DLGAP2: variants seen among roughly 807,000 people sequenced by gnomAD.
DLGAP2 encodes DLG associated protein 2.
A neutral mutation model predicts 100.3 loss-of-function variants in DLGAP2; 26 were observed. That is an observed-to-expected ratio of 0.26 (90% CI 0.19 to 0.36). The LOEUF is 0.36. Ranked by LOEUF, DLGAP2 falls within the 10% of genes least tolerant of loss-of-function variation. The pLI is 1.00. For missense variants in DLGAP2, 1,858 were observed against 1,453.2 expected, an observed-to-expected ratio of 1.28 and a Z score of -4.53; for synonymous variants, 886 against 630.1, an observed-to-expected ratio of 1.41 and a Z score of -6.08.
intron 8 of DLGAP2, among the ~76,000 whole-genome samples, chr8:1,650,134 G>A (rs1051659285): frequency 6.6e-6 from 1 of 152,066 alleles, no homozygotes; most frequent in African/African-American, 2.4e-5. Flanking sequence ...TCCATTTATT[G>A]GTTTACAGCA....
intron 3 of DLGAP2, among the ~76,000 whole-genome samples, chr8:1,326,372 A>T (rs969747839): frequency 3.9e-5 from 6 of 152,242 alleles, no homozygotes; most frequent in Non-Finnish European, 8.8e-5. Context: ...TTCACAGTGT[A>T]CCACATTCTA....
intron 3 of DLGAP2, among the ~76,000 whole-genome samples, chr8:1,339,624 C>T (rs1015911023): frequency 6.6e-6 from 1 of 152,222 alleles, no homozygotes; most frequent in Non-Finnish European, 1.5e-5. Flanking sequence ...ACAGGAGCTT[C>T]ACATGGGTTA....
intron 3 of DLGAP2, among the ~76,000 whole-genome samples, chr8:1,286,856 T>G (rs1799932182): frequency 6.6e-6 from 1 of 152,258 alleles, no homozygotes; most frequent in African/African-American, 2.4e-5. Flanking sequence ...TGACTTGATT[T>G]GCACAAGTGC....
intron 2 of DLGAP2, among the ~76,000 whole-genome samples, chr8:1,189,025 G>A (rs1563241346): frequency 6.6e-6 from 1 of 151,052 alleles, no homozygotes; most frequent in Non-Finnish European, 1.5e-5. Context: ...CAGGGTTCGG[G>A]CCCCATGGCG....
intron 2 of DLGAP2, among the ~76,000 whole-genome samples, chr8:1,208,433 T>C (rs1261351715): frequency 6.6e-6 from 1 of 152,218 alleles, no homozygotes; most frequent in Non-Finnish European, 1.5e-5. Context: ...AGCATCACTT[T>C]ATGATTAAAA....
chr8:1,317,897 TCCAACA>T (rs1800800506), intron 3 of DLGAP2, among the ~76,000 whole-genome samples: 2 of 134,330 alleles, frequency 1.5e-5, no homozygotes, highest in African/African-American at 5.9e-5. Context: ...GCAGCGTCTC[TCCAACA>T]GTGGTCTACA....
intron 2 of DLGAP2, among the ~76,000 whole-genome samples, chr8:1,196,841 C>A (rs1021683860): frequency 7.9e-5 from 12 of 152,172 alleles, no homozygotes; most frequent in African/African-American, 2.9e-4. Flanking sequence ...CCAGGGTTCT[C>A]CCGAAAAGTG....
intron 2 of DLGAP2, among the ~76,000 whole-genome samples, chr8:950,021 T>C (rs977004456): frequency 2.0e-5 from 3 of 152,208 alleles, no homozygotes; most frequent in Admixed American, 2.0e-4. Flanking sequence ...ATCGCTGCAA[T>C]GTGTCCCGTC....
intron 2 of DLGAP2, among the ~76,000 whole-genome samples, chr8:1,038,417 A>T (rs760227145): frequency 5.3e-5 from 8 of 152,186 alleles, no homozygotes; most frequent in Admixed American, 6.5e-5. Context: ...AGTCCAGGAA[A>T]CAAGAAAAAC....
chr8:965,272 C>T (rs1342635816), intron 2 of DLGAP2, among the ~76,000 whole-genome samples: 5 of 138,190 alleles, frequency 3.6e-5, no homozygotes, highest in East Asian at 2.3e-4. Flanking sequence ...CCAACCCCCG[C>T]GTGCACACGG....
At chr8:1,641,997 C>G (rs1283410591) in intron 8 of DLGAP2, among the ~76,000 whole-genome samples, 1 of 45,404 alleles carries the variant, frequency 2.2e-5, no homozygotes. Flanking sequence ...GTGTCACCCT[C>G]GACCCCGCTG....
At chr8:937,376 G>T (rs867252264) in intron 2 of DLGAP2, among the ~76,000 whole-genome samples, 1 of 152,126 alleles carries the variant, frequency 6.6e-6, no homozygotes, top group Non-Finnish European at 1.5e-5. Flanking sequence ...GGATCTAATT[G>T]TCACTGGCTT....
intron 2 of DLGAP2, among the ~76,000 whole-genome samples, chr8:1,241,894 T>G (rs80013109): frequency 0.037 from 5,574 of 152,348 alleles, 171 homozygotes; most frequent in African/African-American, 0.081. Flanking sequence ...TTAAAATGAC[T>G]TTTCTAATAA....
chr8:1,575,876 A>T (rs1802950782), intron 6 of DLGAP2, among the ~76,000 whole-genome samples: 1 of 152,010 alleles, frequency 6.6e-6, no homozygotes. Context: ...ATTGATGGAC[A>T]TTTGGGTTGG....
At chr8:1,073,563 G>C (rs899555033) in intron 2 of DLGAP2, among the ~76,000 whole-genome samples, 24 of 152,168 alleles carry the variant, frequency 1.6e-4, no homozygotes, top group African/African-American at 5.1e-4. Flanking sequence ...TCCAAAGATG[G>C]TTTTTGTTTT....
chr8:1,146,590 T>C (rs1362217413), intron 2 of DLGAP2, among the ~76,000 whole-genome samples: 2 of 152,108 alleles, frequency 1.3e-5, no homozygotes, highest in East Asian at 3.9e-4. Flanking sequence ...CACATGTGTG[T>C]GCACCTGCGC....
chr8:1,686,865 G>GAAGA (rs1347956447), intron 12 of DLGAP2, among the ~76,000 whole-genome samples: 1 of 152,210 alleles, frequency 6.6e-6, no homozygotes, highest in Non-Finnish European at 1.5e-5. Context: ...AAACTAGCTA[G>GAAGA]AAGAATTGTA....
At chr8:1,409,535 T>C (rs904420468) in intron 3 of DLGAP2, among the ~76,000 whole-genome samples, 1 of 152,198 alleles carries the variant, frequency 6.6e-6, no homozygotes, top group Non-Finnish European at 1.5e-5. Flanking sequence ...AGAACCCTCC[T>C]CGCTTCCCAG....
intron 3 of DLGAP2, among the ~76,000 whole-genome samples, chr8:1,260,761 A>C (rs903097835): frequency 2.0e-5 from 3 of 152,236 alleles, no homozygotes; most frequent in African/African-American, 7.2e-5. Context: ...ATTCTAGGTC[A>C]TGGGATTGAC....
Sources: gnomAD v4.1 joint callset for allele counts (sites outside exome capture counted in the v4.1 genomes callset) on GRCh38, gnomAD v4.1.1 for gene constraint, MANE v1.5 for transcripts, NCBI Gene and HGNC (gene_info 2026-07-23, HGNC 2026-07-21) for gene names.